The following PCCB variants were observed in gnomAD, a reference collection of about 807,000 sequenced individuals.
PCCB encodes propionyl-CoA carboxylase beta chain, mitochondrial.
A neutral mutation model predicts 60.7 loss-of-function variants in PCCB; 43 were observed. The observed-to-expected ratio is 0.71, with a 90% CI of 0.55 to 0.91. PCCB has a LOEUF of 0.91. Ranked by LOEUF, PCCB falls within the 40% of genes least tolerant of loss-of-function variation. PCCB has a pLI of 0.00. For synonymous variants in PCCB, 276 were observed against 255.9 expected, an observed-to-expected ratio of 1.08 and a Z score of -0.75; for missense variants, 766 against 702.8, an observed-to-expected ratio of 1.09 and a Z score of -1.02.
At chr3:136,256,674 A>G (rs775361373) in intron 3 of PCCB, 51 bp downstream of exon 3, 1 of 1,271,316 alleles carries the variant, frequency 7.9e-7, no homozygotes, top group Admixed American at 1.7e-5. Context: ...CAGAGCCAAG[A>G]GGAAAATATG....
At chr3:136,291,880 A>T (rs1362242042) in intron 6 of PCCB, among the ~76,000 whole-genome samples, 2 of 152,168 alleles carry the variant, frequency 1.3e-5, no homozygotes, top group African/African-American at 4.8e-5. Flanking sequence ...AAAACTCACA[A>T]AAGTGTGGGA....
chr3:136,277,140 A>G (rs918212784), intron 5 of PCCB, among the ~76,000 whole-genome samples: 5 of 152,126 alleles, frequency 3.3e-5, no homozygotes, highest in African/African-American at 4.8e-5. Flanking sequence ...AGACTCTTTG[A>G]GGTTCCTTGG....
chr3:136,326,236 G>C (rs1007720332), intron 10 of PCCB: 3 of 669,306 alleles, frequency 4.5e-6, no homozygotes, highest in African/African-American at 3.6e-5. Context: ...TGGTATTGGG[G>C]TAATACTGGT....
chr3:136,306,295 A>T (rs1388626532), intron 9 of PCCB, among the ~76,000 whole-genome samples: 1 of 122,522 alleles, frequency 8.2e-6, no homozygotes, highest in Non-Finnish European at 1.8e-5. Flanking sequence ...TTGTAAAAAT[A>T]GAAAATTCAG....
intron 2 of PCCB, 81 bp downstream of exon 2, chr3:136,256,056 A>G (rs1941664546): frequency 6.2e-7 from 1 of 1,604,666 alleles, no homozygotes; most frequent in Non-Finnish European, 8.5e-7. Context: ...TAAATCTATA[A>G]GGCTTTTATC....
chr3:136,256,131 T>G, intron 2 of PCCB, 156 bp downstream of exon 2: 1 of 1,092,320 alleles, frequency 9.2e-7, no homozygotes, highest in Non-Finnish European at 1.3e-6. Flanking sequence ...TTAGTAGAGA[T>G]GGGCTTTCGC....
intron 6 of PCCB, among the ~76,000 whole-genome samples, chr3:136,291,418 G>A (rs139243084): frequency 4.9e-4 from 74 of 152,234 alleles, no homozygotes; most frequent in Non-Finnish European, 2.6e-4. Context: ...CTGATAGCTG[G>A]ACATGATACA....
chr3:136,304,646 A>G (rs1934397812), intron 9 of PCCB, among the ~76,000 whole-genome samples: 1 of 114,956 alleles, frequency 8.7e-6, no homozygotes. Context: ...TGGCCTCCCA[A>G]AGTGTTGGGA....
rs141350388 is a variant in PCCB at position 136,327,230 on chromosome 3, C to T, written c.1274C>T (p.Pro425Leu). Residue 425 changes from proline to leucine, a missense_variant, in exon 12 of 15, where the codon CCC (proline) becomes CTC (leucine). By Grantham distance (98) the Pro-to-Leu change is moderately conservative (BLOSUM62 -3). Transcript: ENST00000251654. ...TACGCATTTGCTGAGGCAACTGTAC[C>T]CAAAGTCACAGTCATCACCAGGAAG... ...LLYAFAEATV[P>L]KVTVITRKAY... 19 of 1,613,920 alleles carry T rather than the reference C, an allele frequency of 1.2e-5. No individual in the cohort carries two copies. The highest frequency in any genetic ancestry group is 1.5e-5 in the Non-Finnish European group (18 of 1,179,946).
At chr3:136,265,180 G>A (rs969438151) in intron 5 of PCCB, among the ~76,000 whole-genome samples, 1 of 152,140 alleles carries the variant, frequency 6.6e-6, no homozygotes, top group African/African-American at 2.4e-5. Flanking sequence ...GTGACAGAGC[G>A]AGACTCCATC....
At chr3:136,251,545 G>T (rs1369726482) in intron 1 of PCCB, among the ~76,000 whole-genome samples, 2 of 152,112 alleles carry the variant, frequency 1.3e-5, no homozygotes, top group South Asian at 2.1e-4. Flanking sequence ...ATTTGACAAG[G>T]GTCCAAAGGT....
In PCCB at chr3:136,262,160, T is replaced by G. The variant is rs536987135; in HGVS notation, c.543+95T>G. 3.8e-6 allele frequency: 3 copies of G among 798,154 alleles called. No homozygotes were observed. The East Asian group carries it at 8.1e-5, about 22-fold the overall frequency. 49.4% of individuals were successfully genotyped at this position (798,154 alleles called of 1,614,324 possible). On this transcript the variant is annotated intron_variant, in intron 5 of 14. Transcript: ENST00000251654. ...GCTTCTCCAACTCTCCTCATTGTTCTCTGCCGCATTGTGTCTGTTCTGTGG... is the reference window on the plus strand; with the variant it reads ...GCTTCTCCAACTCTCCTCATTGTTCGCTGCCGCATTGTGTCTGTTCTGTGG...
In PCCB at chr3:136,250,553, A is replaced by G. The variant is rs778924099; in HGVS notation, c.178A>G (p.Lys60Glu). The change falls in exon 1 of 15, where the codon AAG (lysine) becomes GAG (glutamate). Residue 60 changes from lysine to glutamate, a missense_variant. Transcript: ENST00000251654. Reference protein sequence around the residue: ...GGQRRIDAQHKRGKLTARERI... With the variant: ...GGQRRIDAQHERGKLTARERI... ...CCAACGCCGTATTGACGCGCAGCAC[A>G]AGCGAGTGAGTCCTGAGGGGCCTAA... The G allele has an allele frequency of 2.5e-6, 4 of 1,611,838 alleles. No individual in the cohort carries two copies.
intron 8 of PCCB, among the ~76,000 whole-genome samples, chr3:136,299,838 G>GTGTATGTATATGCATGCATA (rs1209661538): frequency 1.1e-4 from 16 of 148,836 alleles, no homozygotes; most frequent in South Asian, 6.2e-4. Flanking sequence ...GTATATGCAT[G>GTGTATGTATATGCATGCATA]TGTATGTATA....
chr3:136,307,357 G>A (rs201809956), intron 9 of PCCB, among the ~76,000 whole-genome samples: 1 of 65,532 alleles, frequency 1.5e-5, no homozygotes, highest in African/African-American at 3.1e-5. Flanking sequence ...AGAGAACAAT[G>A]TATAAGTACT....
chr3:136,251,329 TC>T, intron 1 of PCCB: 1 of 456,666 alleles, frequency 2.2e-6, no homozygotes, highest in Non-Finnish European at 4.4e-6. Flanking sequence ...GCCCAGTGTG[TC>T]CGTGACTGGT....
chr3:136,288,191 T>C (rs1170588972), intron 6 of PCCB, among the ~76,000 whole-genome samples: 3 of 152,248 alleles, frequency 2.0e-5, no homozygotes, highest in African/African-American at 7.2e-5. Flanking sequence ...ACTCAGAATG[T>C]AGTCTATCTT....
chr3:136,299,351 C>T (rs1934092212), intron 8 of PCCB, among the ~76,000 whole-genome samples: 1 of 151,656 alleles, frequency 6.6e-6, no homozygotes, highest in Non-Finnish European at 1.5e-5. Flanking sequence ...CATACACATG[C>T]ATACATATGC....
At chr3:136,260,564 A>G (rs761160050) in intron 4 of PCCB, 29 bp downstream of exon 4, 156 of 1,569,534 alleles carry the variant, frequency 9.9e-5, no homozygotes, top group East Asian at 2.5e-4. Flanking sequence ...AATTCAATCC[A>G]TTGCTTTCCT....
Sources: gnomAD v4.1 joint callset for allele counts (sites outside exome capture counted in the v4.1 genomes callset) on GRCh38, gnomAD v4.1.1 for gene constraint, MANE v1.5 for transcripts, NCBI Gene and HGNC (gene_info 2026-07-23, HGNC 2026-07-21) for gene names.